Variants in TMEM178A observed in about 807,000 individuals in gnomAD.
The protein encoded by TMEM178A is transmembrane protein 178A, also known as transmembrane protein 178.
In TMEM178A, 12 loss-of-function variants were observed where a neutral mutation model predicts 29.1. The ratio of observed to expected loss-of-function variants is 0.41; its 90% CI spans 0.26 to 0.67. The LOEUF is 0.67. Among genes scored for constraint, TMEM178A ranks in the 30% least tolerant of loss-of-function variants. The pLI is 0.29. For synonymous variants in TMEM178A, 210 were observed against 187.2 expected, an observed-to-expected ratio of 1.12 and a Z score of -0.99; for missense variants, 366 against 419.1, an observed-to-expected ratio of 0.87 and a Z score of 1.11.
At chr2:39,722,681 C>T (rs1237050162), downstream of TMEM178A, among the ~76,000 whole-genome samples, 3 of 152,178 alleles carry the variant, frequency 2.0e-5, no homozygotes, top group South Asian at 2.1e-4. Context: ...TAAATCACAG[C>T]AGATAGACTA....
intron 1 of TMEM178A, among the ~76,000 whole-genome samples, chr2:39,685,405 C>A (rs542607431): frequency 1.3e-5 from 2 of 152,344 alleles, no homozygotes; most frequent in East Asian, 3.9e-4. Flanking sequence ...ACACTCAGTA[C>A]TTCTCCTTTA....
intron 1 of TMEM178A, among the ~76,000 whole-genome samples, chr2:39,690,347 T>C (rs1671261584): frequency 6.6e-6 from 1 of 152,198 alleles, no homozygotes; most frequent in South Asian, 2.1e-4. Context: ...GTGTGCCTGC[T>C]CTTTCAGACA....
chr2:39,733,451 T>A, the TMEM178A span, among the ~76,000 whole-genome samples: 2 of 152,184 alleles, frequency 1.3e-5, no homozygotes, highest in South Asian at 4.1e-4. Context: ...ATGACGTCCA[T>A]CATCACAGGC....
chr2:39,673,453 A>G (rs1321972991), intron 1 of TMEM178A, among the ~76,000 whole-genome samples: 3 of 152,220 alleles, frequency 2.0e-5, no homozygotes, highest in African/African-American at 7.2e-5. Context: ...CAGTGTTCAG[A>G]CTTTTTAATA....
chr2:39,679,504 C>T (rs1456223317), intron 1 of TMEM178A, among the ~76,000 whole-genome samples: 1 of 151,844 alleles, frequency 6.6e-6, no homozygotes, highest in Admixed American at 6.6e-5. Flanking sequence ...AAGAGTGCAT[C>T]TTTATGGAGA....
At chr2:39,720,466 C>T (rs139459561), downstream of TMEM178A, among the ~76,000 whole-genome samples, 291 of 152,278 alleles carry the variant, frequency 1.9e-3, 1 homozygote, top group African/African-American at 6.8e-3. Flanking sequence ...CTGGGGACAC[C>T]CCCTCCTCTG....
intron 1 of TMEM178A, among the ~76,000 whole-genome samples, chr2:39,689,910 C>T (rs56280248): frequency 0.019 from 2,866 of 152,306 alleles, 94 homozygotes; most frequent in African/African-American, 0.065. Context: ...ACAGTTTCAC[C>T]TTACCTGTGT....
chr2:39,700,721 C>A (rs906579750), intron 1 of TMEM178A, among the ~76,000 whole-genome samples: 2 of 151,630 alleles, frequency 1.3e-5, no homozygotes, highest in Admixed American at 6.6e-5. Flanking sequence ...TTTCTATATG[C>A]CATATGCATT....
intron 1 of TMEM178A, among the ~76,000 whole-genome samples, chr2:39,679,996 C>G (rs1670799455): frequency 6.6e-6 from 1 of 152,080 alleles, no homozygotes; most frequent in African/African-American, 2.4e-5. Context: ...GGTGGCTCTT[C>G]AAGAGACCGG....
At chr2:39,685,172 C>T (rs1671021338) in intron 1 of TMEM178A, among the ~76,000 whole-genome samples, 1 of 152,166 alleles carries the variant, frequency 6.6e-6, no homozygotes, top group Non-Finnish European at 1.5e-5. Flanking sequence ...TTCATTCCCT[C>T]CATGGTCTAG....
chr2:39,712,902 A>C (rs903885895), intron 3 of TMEM178A, among the ~76,000 whole-genome samples: 4 of 152,232 alleles, frequency 2.6e-5, no homozygotes, highest in African/African-American at 9.6e-5. Flanking sequence ...CTGCCAATGA[A>C]AATGCAGCAT....
Position 39,717,072 on chromosome 2 carries a change from C to G in TMEM178A, c.715C>G (p.Leu239Val). The G allele has an allele frequency of 6.2e-7, 1 of 1,611,014 alleles. No individual in the cohort carries two copies. The highest frequency in any genetic ancestry group is 8.5e-7 in the Non-Finnish European group (1 of 1,179,534). The stretch of plus-strand genomic sequence containing the variant: ...CAGTATCTCGTATGATTTGAACCGG[C>G]TCCCAAAGCTAATTTATAGCCTGCC... ...AASISYDLNRLPKLIYSLPAD... is the reference protein window; with the variant it reads ...AASISYDLNRVPKLIYSLPAD... The change falls in exon 4 of 4, where the codon CTC (leucine) becomes GTC (valine). Residue 239 changes from leucine to valine, a missense_variant. By Grantham distance (32) the Leu-to-Val change is conservative. Transcript: ENST00000281961.
chr2:39,702,693 T>C (rs1195599888), intron 1 of TMEM178A, among the ~76,000 whole-genome samples: 4 of 151,298 alleles, frequency 2.6e-5, no homozygotes, highest in Admixed American at 6.6e-5. Flanking sequence ...AAAAAGAACT[T>C]CGAATTTTGA....
chr2:39,734,136 T>A, the TMEM178A span, among the ~76,000 whole-genome samples: 1 of 152,308 alleles, frequency 6.6e-6, no homozygotes, highest in South Asian at 2.1e-4. Flanking sequence ...TCTCCAGCTC[T>A]TTTCCTATTT....
rs1365434742 is a variant in TMEM178A at position 39,672,054 on chromosome 2, T to C, written c.400+5680T>C. On this transcript the variant is annotated intron_variant, in intron 1 of 3. Transcript: ENST00000281961. ...ACACAACTCTTAATGACTAGATTTG[T>C]AGTTTTAGCTTGTTCCACAGTGTGC... is the stretch of plus-strand genomic sequence containing the variant. Among the ~76,000 whole-genome samples the C allele has an allele frequency of 5.3e-5, 8 of 152,326 alleles. No homozygotes were observed. The East Asian group carries it at 1.4e-3, about 26-fold the overall frequency.
chr2:39,714,995 T>C (rs529514672), intron 3 of TMEM178A, among the ~76,000 whole-genome samples: 151 of 152,300 alleles, frequency 9.9e-4, no homozygotes, highest in African/African-American at 3.4e-3. Context: ...GTAATCAAGT[T>C]TCCCACTCTT....
At chr2:39,685,265 AG>A (rs1671027848) in intron 1 of TMEM178A, among the ~76,000 whole-genome samples, 1 of 152,050 alleles carries the variant, frequency 6.6e-6, no homozygotes, top group Non-Finnish European at 1.5e-5. Flanking sequence ...CCTGTTCAGG[AG>A]TGAGCTGCTC....
rs770565375 is a variant in TMEM178A, at chr2:39,704,097, C to T, written c.417C>T (p.Cys139=). ...TCCTTCAAGGTATTGCGCAGCGATG[C>T]ACGGCCATCAAGTACCACTTTTCTC... ...TLILKGIAQR[C]TAIKYHFSQP... Residue 139 remains cysteine (C), a synonymous_variant, in exon 2 of 4, where the codon TGC becomes TGT. Transcript: ENST00000281961. 1.5e-5 allele frequency: 25 copies of T among 1,613,974 alleles called. No individual in the cohort carries two copies. The East Asian group carries it at 3.1e-4, about 20-fold the overall frequency.
intron 1 of TMEM178A, among the ~76,000 whole-genome samples, chr2:39,673,862 C>T (rs1056439338): frequency 6.6e-6 from 1 of 152,062 alleles, no homozygotes. Flanking sequence ...CAATCATCAA[C>T]AAATGTTAAA....
Sources: gnomAD v4.1 joint callset for allele counts (sites outside exome capture counted in the v4.1 genomes callset) on GRCh38, gnomAD v4.1.1 for gene constraint, MANE v1.5 for transcripts, NCBI Gene and HGNC (gene_info 2026-07-23, HGNC 2026-07-21) for gene names.